CBFA2T2: variants seen among roughly 807,000 people sequenced by gnomAD.
CBFA2T2 encodes CBFA2/RUNX1 partner transcriptional co-repressor 2.
A neutral mutation model predicts 62.2 loss-of-function variants in CBFA2T2; 11 were observed. The observed-to-expected ratio is 0.18, with a 90% confidence interval of 0.11 to 0.29. The LOEUF (loss-of-function observed/expected upper bound fraction) is 0.29, where lower values mean the gene tolerates loss of function less well. Among genes scored for constraint, CBFA2T2 ranks in the 10% least tolerant of loss-of-function variants. The probability of loss-of-function intolerance (pLI) is 1.00; values close to 1 mark genes in which losing one functional copy is unlikely to be tolerated. For missense variants in CBFA2T2, 592 were observed against 774.1 expected, an observed-to-expected ratio of 0.76 and a Z score of 2.79; for synonymous variants, 295 against 287.5, an observed-to-expected ratio of 1.03 and a Z score of -0.27.
At chr20:33,538,839 T>A (rs2012333728) in intron 1 of CBFA2T2, among the ~76,000 whole-genome samples, 1 of 152,126 alleles carries the variant, frequency 6.6e-6, no homozygotes. Flanking sequence ...TATTATCATA[T>A]TGTTGTTTGT....
intron 1 of CBFA2T2, among the ~76,000 whole-genome samples, chr20:33,522,820 GATGC>G (rs1568798941): frequency 1.3e-5 from 2 of 152,154 alleles, no homozygotes; most frequent in African/African-American, 4.8e-5. Context: ...ATACCATTGA[GATGC>G]ATGAAGAGAG....
chr20:33,557,992 C>T (rs1218293227), intron 1 of CBFA2T2, among the ~76,000 whole-genome samples: 15 of 152,114 alleles, frequency 9.9e-5, no homozygotes, highest in Admixed American at 5.2e-4. Flanking sequence ...CCAGCCACTA[C>T]GCCTGGCTAA....
chr20:33,623,440 T>A, intron 5 of CBFA2T2, 144 bp downstream of exon 5: 1 of 884,280 alleles, frequency 1.1e-6, no homozygotes, highest in Non-Finnish European at 1.7e-6. Context: ...TCGCCCAGAC[T>A]GGAGCGCAGT....
intron 3 of CBFA2T2, among the ~76,000 whole-genome samples, chr20:33,615,565 A>G (rs560588847): frequency 3.6e-4 from 55 of 152,250 alleles, no homozygotes; most frequent in African/African-American, 1.2e-3. Flanking sequence ...AGGTAGAAAG[A>G]CAGACTTCTC....
chr20:33,525,293 C>G (rs1252402863), intron 1 of CBFA2T2, among the ~76,000 whole-genome samples: 1 of 151,614 alleles, frequency 6.6e-6, no homozygotes, highest in East Asian at 1.9e-4. Flanking sequence ...TCAAGTGATT[C>G]TTATGCCTCA....
chr20:33,570,356 A>G (rs1042022599), intron 1 of CBFA2T2, among the ~76,000 whole-genome samples: 1 of 152,244 alleles, frequency 6.6e-6, no homozygotes, highest in Non-Finnish European at 1.5e-5. Context: ...GACAGCTCCT[A>G]TGAAGGCAAG....
chr20:33,590,442 C>T (rs2014570207), intron 1 of CBFA2T2, among the ~76,000 whole-genome samples: 2 of 151,802 alleles, frequency 1.3e-5, no homozygotes, highest in African/African-American at 2.4e-5. Flanking sequence ...TTTTCTTGGC[C>T]CCCACAAAGG....
intron 1 of CBFA2T2, among the ~76,000 whole-genome samples, chr20:33,561,410 A>C (rs1425201170): frequency 6.6e-6 from 1 of 152,212 alleles, no homozygotes; most frequent in Non-Finnish European, 1.5e-5. Flanking sequence ...TTTATTTTAA[A>C]ATGTAGATTC....
intron 2 of CBFA2T2, among the ~76,000 whole-genome samples, chr20:33,609,923 G>T (rs1006930017): frequency 6.6e-6 from 1 of 152,180 alleles, no homozygotes; most frequent in African/African-American, 2.4e-5. Context: ...GGCTGGATAT[G>T]ATTAAGTGAA....
At chr20:33,511,164 CT>C (rs1465434420) in intron 1 of CBFA2T2, among the ~76,000 whole-genome samples, 2 of 152,124 alleles carry the variant, frequency 1.3e-5, no homozygotes, top group African/African-American at 2.4e-5. Flanking sequence ...TCAATTTTGG[CT>C]TTTGTTGCCA....
intron 1 of CBFA2T2, among the ~76,000 whole-genome samples, chr20:33,548,042 A>T (rs369331830): frequency 6.6e-6 from 1 of 151,966 alleles, no homozygotes; most frequent in East Asian, 1.9e-4. Flanking sequence ...AAGTGCTGGG[A>T]TTACAGGCAT....
At chr20:33,495,415 C>T (rs1176972241) in intron 1 of CBFA2T2, among the ~76,000 whole-genome samples, 2 of 139,888 alleles carry the variant, frequency 1.4e-5, no homozygotes, top group Non-Finnish European at 3.1e-5. Flanking sequence ...AGGCCGGGCA[C>T]GATGGCTCAT....
rs2015514388 is a variant in CBFA2T2, at chr20:33,611,191, A to G, written c.276A>G (p.Ala92=). Reference sequence around the variant, plus strand: ...GTCCTGCCTCCTCCACATCATCTGCACTCACAAATCAGCAATTGCCAGCCA... The same window carrying G: ...GTCCTGCCTCCTCCACATCATCTGCGCTCACAAATCAGCAATTGCCAGCCA... ...SNGPASSTSS[A]LTNQQLPATC... Residue 92 remains alanine, a synonymous_variant, in exon 3 of 11, where the codon GCA becomes GCG. Transcript: ENST00000342704. 2 of 1,613,996 alleles carry G rather than the reference A, an allele frequency of 1.2e-6. No homozygotes were observed. The highest frequency in any genetic ancestry group is 1.7e-6 in the Non-Finnish European group (2 of 1,180,024).
chr20:33,561,815 A>G (rs1484004306), intron 1 of CBFA2T2, among the ~76,000 whole-genome samples: 1 of 152,190 alleles, frequency 6.6e-6, no homozygotes, highest in African/African-American at 2.4e-5. Context: ...CATCAGAACC[A>G]TGTTGCCTGC....
intron 10 of CBFA2T2, among the ~76,000 whole-genome samples, chr20:33,643,787 A>AG (rs2016940493): frequency 1.5e-4 from 5 of 33,576 alleles, no homozygotes; most frequent in African/African-American, 6.5e-4. Flanking sequence ...ATATATATAT[A>AG]TATATATATA....
At chr20:33,506,129 TG>T (rs1259221572) in intron 1 of CBFA2T2, among the ~76,000 whole-genome samples, 2 of 151,788 alleles carry the variant, frequency 1.3e-5, no homozygotes, top group African/African-American at 2.4e-5. Context: ...TAGAAGGGGC[TG>T]GGTATGGTGG....
At chr20:33,611,456 A>T in intron 3 of CBFA2T2, 121 bp downstream of exon 3, 1 of 1,089,000 alleles carries the variant, frequency 9.2e-7, no homozygotes, top group Non-Finnish European at 1.3e-6. Context: ...AATGCTACAG[A>T]CTAGACTAGT....
In CBFA2T2 at chr20:33,606,986, C is replaced by T; in HGVS notation, c.65C>T (p.Pro22Leu). The change falls in exon 2 of 11, where the codon CCT (proline) becomes CTT (leucine). Residue 22 changes from proline (P) to leucine (L), a missense_variant. Pro to Leu is a moderately conservative substitution (Grantham distance 98). Around this residue, in one of 3 missense-constraint regions of CBFA2T2, gnomAD observed 449 missense variants for 551.2 expected, o/e 0.81. Transcript: ENST00000342704. ...LGPEKRVPAMPGSPVEVKIQS... is the reference protein window; with the variant it reads ...LGPEKRVPAMLGSPVEVKIQS... ...CCTGAGAAAAGGGTGCCAGCGATGC[C>T]TGGATCGCCTGTGGAAGTGAAGATA... is the stretch of plus-strand genomic sequence containing the variant. 6.2e-7 allele frequency: 1 copy of T among 1,613,936 alleles called. No individual in the cohort carries two copies. Among genetic ancestry groups the T allele is most frequent in the Non-Finnish European group, 8.5e-7 (1 of 1,179,862 alleles).
chr20:33,563,194 C>A (rs191021517), intron 1 of CBFA2T2, among the ~76,000 whole-genome samples: 228 of 152,254 alleles, frequency 1.5e-3, no homozygotes, highest in African/African-American at 5.3e-3. Context: ...TTACATTTTG[C>A]TCCTATGCTG....
Sources: allele counts gnomAD v4.1 joint callset (sites outside exome capture counted in the v4.1 genomes callset), GRCh38; gene constraint gnomAD v4.1.1; regional missense constraint gnomAD v4.1.1; transcripts MANE v1.5; gene names NCBI Gene and HGNC (gene_info 2026-07-23, HGNC 2026-07-21).